KIF5A: variants seen among roughly 807,000 people sequenced by gnomAD.
KIF5A encodes the protein kinesin heavy chain isoform 5A.
Under a neutral mutation model 141.3 loss-of-function variants are expected in KIF5A, and 35 were observed. The ratio of observed to expected loss-of-function variants is 0.25; its 90% confidence interval spans 0.19 to 0.33. The LOEUF is 0.33. Among genes scored for constraint, KIF5A ranks in the 10% least tolerant of loss-of-function variants. The pLI, the probability that KIF5A is intolerant of heterozygous loss-of-function variation, is 1.00. For missense variants in KIF5A, 861 were observed against 1,314.3 expected (o/e 0.66, Z 5.33); for synonymous variants, 448 against 500.2 (o/e 0.90, Z 1.39).
At chr12:57,584,047 C>T (rs2140173649) in intron 28 of KIF5A, among the ~76,000 whole-genome samples, 171 bp from the exon 29 acceptor site, 1 of 150,962 alleles carries the variant, frequency 6.6e-6, no homozygotes, top group South Asian at 2.1e-4. Flanking sequence ...TTGGGGAGAC[C>T]TAGGGGTGGA....
At chr12:57,571,244 T>C in intron 12 of KIF5A, 77 bp from the exon 13 acceptor site, 3 of 877,122 alleles carry the variant, frequency 3.4e-6, no homozygotes, top group Non-Finnish European at 5.9e-6. Flanking sequence ...GGATCCTGCC[T>C]CTACCCCCAA....
intron 13 of KIF5A, 147 bp from the exon 14 acceptor site, chr12:57,571,914 C>A: frequency 1.4e-6 from 1 of 715,656 alleles, no homozygotes; most frequent in Non-Finnish European, 2.4e-6. Context: ...ATTCTTCATT[C>A]TGTTGCCCTA....
intron 1 of KIF5A, among the ~76,000 whole-genome samples, chr12:57,559,165 A>G (rs1257350881): frequency 1.3e-5 from 2 of 152,230 alleles, no homozygotes; most frequent in Non-Finnish European, 2.9e-5. Flanking sequence ...CTGCTATTAC[A>G]AACAGTTGAA....
chr12:57,571,220 C>A, intron 12 of KIF5A, 101 bp from the exon 13 acceptor site: 1 of 782,514 alleles, frequency 1.3e-6, no homozygotes, highest in Non-Finnish European at 2.3e-6. Flanking sequence ...CTTATACTAT[C>A]TGGATTTTTA....
chr12:57,559,983 C>T (rs1176802959), intron 1 of KIF5A, among the ~76,000 whole-genome samples: 44 of 152,112 alleles, frequency 2.9e-4, no homozygotes, highest in Admixed American at 5.2e-4. Flanking sequence ...CCTCTGCCTC[C>T]TGGGTTCAAG....
At chr12:57,571,536 C>T (rs1459942666) in intron 13 of KIF5A, 147 bp downstream of exon 13, 3 of 722,422 alleles carry the variant, frequency 4.2e-6, no homozygotes, top group Non-Finnish European at 7.1e-6. Flanking sequence ...GTCTGGGAAC[C>T]TCACTGGGGC....
chr12:57,576,178 T>C (rs151121338), intron 18 of KIF5A, 27 bp downstream of exon 18: 34 of 1,612,582 alleles, frequency 2.1e-5, no homozygotes, highest in South Asian at 4.4e-5. Context: ...TCAGGGACAA[T>C]TGGGGCCTGG....
In KIF5A at chr12:57,578,040, G is replaced by A. The variant is rs940071825; in HGVS notation, c.2393G>A (p.Arg798His). 2 of 1,614,116 alleles carry A rather than the reference G, an allele frequency of 1.2e-6. No individual in the cohort carries two copies. Among genetic ancestry groups the A allele is most frequent in the East Asian group, 2.2e-5 (1 of 44,884 alleles). Residue 798 changes from arginine (R) to histidine (H), a missense_variant, in exon 22 of 29, where the codon CGC becomes CAC. Transcript: ENST00000455537. ...ARELQTLHNLRKLFVQDVTTR... is the reference protein window; with the variant it reads ...ARELQTLHNLHKLFVQDVTTR... ...GAACTCCAGACCCTCCACAACCTTC[G>A]CAAGCTGTTCGTTCAAGACGTCACG...
rs765567239 is a variant in KIF5A at position 57,572,156 on chromosome 12, A to G, written c.1458A>G (p.Glu486=). Residue 486 remains glutamate (E), a synonymous_variant, in exon 14 of 29, where the codon GAA becomes GAG. Transcript: ENST00000455537. This position sits in a 1 kb window ranked among gnomAD's most constrained non-coding sequence, Gnocchi z 4.2. ...ATGCCGCTAAGGATGAGGTGAAGGAAGTGCTGCAGGCCCTGGAGGAGCTGG... is the reference window on the plus strand; with the variant it reads ...ATGCCGCTAAGGATGAGGTGAAGGAGGTGCTGCAGGCCCTGGAGGAGCTGG... The part of the protein sequence containing the change: ...ENDAAKDEVK[E]VLQALEELAV... 55 of 1,614,024 alleles carry G rather than the reference A, an allele frequency of 3.4e-5. No homozygotes were observed. Among genetic ancestry groups the G allele is most frequent in the Non-Finnish European group, 4.2e-5 (49 of 1,180,010 alleles).
intron 1 of KIF5A, among the ~76,000 whole-genome samples, chr12:57,553,666 T>C (rs2079920456): frequency 6.6e-6 from 1 of 152,156 alleles, no homozygotes; most frequent in Admixed American, 6.5e-5. Context: ...TTTGGACCCC[T>C]GATCTTAAAC....
chr12:57,579,886 G>C (rs923469957), intron 23 of KIF5A, among the ~76,000 whole-genome samples: 6 of 152,034 alleles, frequency 3.9e-5, no homozygotes, highest in Non-Finnish European at 7.4e-5. Flanking sequence ...CTCTGCCTCT[G>C]TTCAAAGTCC....
intron 6 of KIF5A, 144 bp downstream of exon 6, chr12:57,565,117 G>T: frequency 1.3e-6 from 1 of 746,386 alleles, no homozygotes; most frequent in Non-Finnish European, 2.3e-6. Flanking sequence ...GAGTCTAGGG[G>T]ATCAGAAAAG....
rs1882400645 is a variant in KIF5A at position 57,575,690 on chromosome 12, A to G, written c.1956A>G (p.Leu652=). Residue 652 remains leucine (L), a synonymous_variant, in exon 17 of 29, where the codon CTA becomes CTG. Coordinates refer to ENST00000455537, the MANE Select transcript of KIF5A (RefSeq NM_004984.4). ...SLTEYMQSVE[L]KKRHLEESYD... ...CGGAATACATGCAGAGCGTGGAGCT[A>G]AAGAAGCGGCACCTGGAAGAGTCCT... is the stretch of plus-strand genomic sequence containing the variant. 1.2e-6 allele frequency: 2 copies of G among 1,614,186 alleles called. No individual in the cohort carries two copies. The highest frequency in any genetic ancestry group is 2.2e-5 in the East Asian group (1 of 44,888).
Position 57,581,855 on chromosome 12 carries a change from C to G in KIF5A, c.2910-15C>G. On this transcript the variant is annotated splice_polypyrimidine_tract_variant and intron_variant, in intron 25 of 28. Coordinates refer to ENST00000455537, the MANE Select transcript of KIF5A (RefSeq NM_004984.4). ...GTGGGTGTCAGAGGCTGCCTCTTTCCTCTGCTCCATCCAGCTTTGCAAACT... is the reference window on the plus strand; with the variant it reads ...GTGGGTGTCAGAGGCTGCCTCTTTCGTCTGCTCCATCCAGCTTTGCAAACT... The G allele has an allele frequency of 6.2e-7, 1 of 1,613,060 alleles. No individual in the cohort carries two copies. Among genetic ancestry groups the G allele is most frequent in the Non-Finnish European group, 8.5e-7 (1 of 1,179,396 alleles).
chr12:57,556,015 T>C (rs1385403647), intron 1 of KIF5A, among the ~76,000 whole-genome samples: 3 of 152,122 alleles, frequency 2.0e-5, no homozygotes, highest in African/African-American at 7.2e-5. Flanking sequence ...GCTTGGAATT[T>C]TAGAGCCCAG....
In KIF5A at chr12:57,584,479, G is replaced by A. The variant is rs1050273715; in HGVS notation, c.*298G>A. 3.9e-5 allele frequency: 6 copies of A among 152,636 alleles called. No homozygotes were observed. The highest frequency in any genetic ancestry group is 1.4e-4 in the African/African-American group (6 of 41,446). The allele number at this position is 152,636 out of a possible 1,614,324, so 9.5% of individuals were successfully genotyped here. A position where few individuals can be genotyped will look rare whatever the true frequency, so the allele number is the denominator to read the frequency against. ...CTTATTTGGGGCAATAGGGAGGAGG[G>A]TGAATGTTTCTTCTTTCTCATCTAC... On this transcript the variant is annotated 3_prime_UTR_variant, in exon 29 of 29. Transcript: ENST00000455537.
chr12:57,577,236 A>G (rs1565702858), intron 20 of KIF5A, among the ~76,000 whole-genome samples: 1 of 152,194 alleles, frequency 6.6e-6, no homozygotes, highest in African/African-American at 2.4e-5. Flanking sequence ...ATAAAAACTC[A>G]CCTTATGTCT....
intron 1 of KIF5A, among the ~76,000 whole-genome samples, chr12:57,558,925 T>A (rs1017061024): frequency 1.3e-5 from 2 of 152,050 alleles, no homozygotes; most frequent in African/African-American, 4.8e-5. Flanking sequence ...ACAAGGCCCA[T>A]GCCACCACAC....
In KIF5A at chr12:57,567,609, G is replaced by A; in HGVS notation, c.705G>A (p.Gly235=). The A allele has an allele frequency of 6.2e-7, 1 of 1,612,592 alleles. No homozygotes were observed. Among genetic ancestry groups the A allele is most frequent in the Non-Finnish European group, 8.5e-7 (1 of 1,179,428 alleles). Residue 235 remains glycine, a synonymous_variant, in exon 8 of 29, where the codon GGG becomes GGA. Coordinates refer to ENST00000455537, the MANE Select transcript of KIF5A (RefSeq NM_004984.4). The part of the protein sequence containing the change: ...SGKLYLVDLA[G]SEKVSKTGAE... Reference sequence around the variant, plus strand: ...AGCTGTATCTGGTGGACCTGGCAGGGAGTGAGAAGGTAGGGGGTCCTGTGG... The same window carrying A: ...AGCTGTATCTGGTGGACCTGGCAGGAAGTGAGAAGGTAGGGGGTCCTGTGG...
Sources: allele counts gnomAD v4.1 joint callset (sites outside exome capture counted in the v4.1 genomes callset), GRCh38; gene constraint gnomAD v4.1.1; non-coding constraint Gnocchi (gnomAD v3.1); transcripts MANE v1.5; gene names NCBI Gene and HGNC (gene_info 2026-07-23, HGNC 2026-07-21).